The following RHOBTB3 variants were observed in gnomAD, a reference collection of about 807,000 sequenced individuals.
The protein encoded by RHOBTB3 is Rho related BTB domain containing 3, also known as rho-related BTB domain-containing protein 3.
Under a neutral mutation model 67.2 loss-of-function variants are expected in RHOBTB3, and 47 were observed. The ratio of observed to expected loss-of-function variants is 0.70; its 90% CI spans 0.55 to 0.89. RHOBTB3 has a LOEUF of 0.89. Ranked by LOEUF, RHOBTB3 falls within the 40% of genes least tolerant of loss-of-function variation. RHOBTB3 has a pLI of 0.00. For synonymous variants in RHOBTB3, 273 were observed against 274.2 expected (o/e 1.00, Z 0.04); for missense variants, 631 against 750.0 (o/e 0.84, Z 1.85).
intron 3 of RHOBTB3, among the ~76,000 whole-genome samples, chr5:95,743,531 T>G (rs1354669053): frequency 6.6e-6 from 1 of 152,064 alleles, no homozygotes; most frequent in African/African-American, 2.4e-5. Context: ...CTGCCTGCCT[T>G]CATTCTCTCA....
rs2302980 is a variant in RHOBTB3 at position 95,731,918 on chromosome 5, C to G, written c.62C>G (p.Pro21Arg). Reference protein sequence around the residue: ...EGDTFHQDNRPSGLIRTYLGR... With the variant: ...EGDTFHQDNRRSGLIRTYLGR... Reference sequence around the variant, plus strand: ...GACACATTCCACCAGGACAACCGGCCGTCGGGGCTTATCCGCACTTACCTG... The same window carrying G: ...GACACATTCCACCAGGACAACCGGCGGTCGGGGCTTATCCGCACTTACCTG... The change falls in exon 2 of 12, where the codon CCG becomes CGG. Residue 21 changes from proline to arginine, a missense_variant. By Grantham distance (103) the Pro-to-Arg change is moderately radical. Transcript: ENST00000379982. The G allele has an allele frequency of 3.4e-4, 541 of 1,614,104 alleles. 4 individuals are homozygous for G. In the East Asian group the frequency reaches 0.011, roughly 34 times the overall value.
intron 11 of RHOBTB3, among the ~76,000 whole-genome samples, chr5:95,791,828 G>A (rs1561459231): frequency 6.6e-6 from 1 of 151,954 alleles, no homozygotes; most frequent in Non-Finnish European, 1.5e-5. Context: ...TTACAGACAT[G>A]AGCCATCGTG....
At chr5:95,758,831 G>A (rs961198594) in intron 6 of RHOBTB3, among the ~76,000 whole-genome samples, 4 of 152,220 alleles carry the variant, frequency 2.6e-5, no homozygotes, top group African/African-American at 9.6e-5. Context: ...AGGTGGTGCT[G>A]GATCTCTGGA....
intron 3 of RHOBTB3, among the ~76,000 whole-genome samples, chr5:95,740,044 T>C (rs981142633): frequency 3.9e-5 from 6 of 152,050 alleles, no homozygotes; most frequent in African/African-American, 1.4e-4. Context: ...GGGAGCGGGT[T>C]TTTCCTGTGC....
intron 6 of RHOBTB3, among the ~76,000 whole-genome samples, chr5:95,757,549 TA>T (rs1745282976): frequency 6.6e-6 from 1 of 152,226 alleles, no homozygotes; most frequent in Admixed American, 6.5e-5. Flanking sequence ...GGGCAGCCTT[TA>T]TTTAAGTAAT....
chr5:95,776,571 G>A (rs1745890082), intron 8 of RHOBTB3, among the ~76,000 whole-genome samples: 1 of 151,988 alleles, frequency 6.6e-6, no homozygotes, highest in Non-Finnish European at 1.5e-5. Context: ...AACCTCATGA[G>A]CGGTTTAAGG....
chr5:95,749,195 CA>C (rs1230166782), intron 4 of RHOBTB3, among the ~76,000 whole-genome samples: 1 of 152,232 alleles, frequency 6.6e-6, no homozygotes, highest in Non-Finnish European at 1.5e-5. Context: ...CTCCTCTCAA[CA>C]GACAAATCTG....
intron 11 of RHOBTB3, among the ~76,000 whole-genome samples, chr5:95,790,879 A>T (rs1746362217): frequency 6.9e-6 from 1 of 145,052 alleles, no homozygotes; most frequent in Admixed American, 6.8e-5. Context: ...ACTGGTATTT[A>T]AAAATAACCA....
At chr5:95,744,261 T>G (rs2112786154) in intron 3 of RHOBTB3, among the ~76,000 whole-genome samples, 1 of 152,334 alleles carries the variant, frequency 6.6e-6, no homozygotes, top group South Asian at 2.1e-4. Context: ...ACACAGCCCC[T>G]ATCATATCAG....
chr5:95,777,224 T>C (rs1328694028), intron 8 of RHOBTB3, among the ~76,000 whole-genome samples: 1 of 152,242 alleles, frequency 6.6e-6, no homozygotes, highest in Non-Finnish European at 1.5e-5. Context: ...TAGTACATAT[T>C]TTGGATCTCT....
chr5:95,772,210 A>T (rs1354458403), intron 8 of RHOBTB3, among the ~76,000 whole-genome samples: 1 of 152,192 alleles, frequency 6.6e-6, no homozygotes, highest in East Asian at 1.9e-4. Flanking sequence ...AAGAATTGGT[A>T]ATCTGAAGGT....
In RHOBTB3 at chr5:95,769,676, T is replaced by G. The variant is rs78475592; in HGVS notation, c.1282+1510T>G. 1.8e-5 allele frequency: 3 copies of G among 170,078 alleles called. No homozygotes were observed. In the East Asian group the frequency reaches 5.4e-4, roughly 31 times the overall value. The allele number at this position is 170,078 out of a possible 1,614,324, so 10.5% of individuals were successfully genotyped here. On this transcript the variant is annotated intron_variant, in intron 8 of 11. Coordinates refer to ENST00000379982, the MANE Select transcript of RHOBTB3 (RefSeq NM_014899.4). Reference sequence around the variant, plus strand: ...TAATACATCAAAATTTTTGCATATCTTATTAATGTATCGAATAATTAGGCT... The same window carrying G: ...TAATACATCAAAATTTTTGCATATCGTATTAATGTATCGAATAATTAGGCT...
intron 3 of RHOBTB3, among the ~76,000 whole-genome samples, chr5:95,738,147 C>T (rs988284298): frequency 2.0e-5 from 3 of 152,082 alleles, no homozygotes; most frequent in Admixed American, 1.3e-4. Context: ...TAGGTCGTTA[C>T]CCAGGAGCGG....
rs891555316 is a variant in RHOBTB3, at chr5:95,773,540, C to T, written c.1282+5374C>T. Among the ~76,000 whole-genome samples, 7 of 152,190 alleles carry T rather than the reference C, an allele frequency of 4.6e-5. No individual in the cohort carries two copies. In the South Asian group the frequency reaches 1.4e-3, roughly 31 times the overall value. On this transcript the variant is annotated intron_variant, in intron 8 of 11. Transcript: ENST00000379982. Reference sequence around the variant, plus strand: ...TGGCTTTGCGTCTTGACCAGTGTGTCTGTGGGCAAGTCACCTGACATTTCT... The same window carrying T: ...TGGCTTTGCGTCTTGACCAGTGTGTTTGTGGGCAAGTCACCTGACATTTCT...
intron 8 of RHOBTB3, chr5:95,770,480 A>G (rs1468392536): frequency 6.4e-6 from 2 of 311,058 alleles, no homozygotes; most frequent in Non-Finnish European, 1.3e-5. Context: ...TGGTAGTTAC[A>G]ACAATTGTGC....
At chr5:95,753,032 T>C (rs1417157633) in intron 5 of RHOBTB3, among the ~76,000 whole-genome samples, 1 of 151,902 alleles carries the variant, frequency 6.6e-6, no homozygotes, top group Non-Finnish European at 1.5e-5. Context: ...CTCGGGAGGC[T>C]GAGGCAGGAG....
chr5:95,731,779 C>T, intron 1 of RHOBTB3, 80 bp from the exon 2 acceptor site: 4 of 1,603,080 alleles, frequency 2.5e-6, no homozygotes, highest in African/African-American at 1.3e-5. Flanking sequence ...CGCGCGCTGT[C>T]CCCCGCACTT....
intron 10 of RHOBTB3, among the ~76,000 whole-genome samples, chr5:95,784,192 A>AT (rs556646362): frequency 1.3e-5 from 2 of 152,124 alleles, no homozygotes; most frequent in African/African-American, 4.8e-5. Context: ...CAGATACGGA[A>AT]TTTTTTTAAC....
chr5:95,731,641 T>C lies in RHOBTB3; in HGVS notation c.-42T>C. The C allele has an allele frequency of 6.2e-7, 1 of 1,612,450 alleles. No homozygotes were observed. Among genetic ancestry groups the C allele is most frequent in the Non-Finnish European group, 8.5e-7 (1 of 1,179,456 alleles). ...GGGGCCCCGCGAAGCCGTGAGCCGC[T>C]GCTTTTCTCCGAGTCGCCGCCCTGC... On this transcript the variant is annotated 5_prime_UTR_variant, in exon 1 of 12. Coordinates refer to ENST00000379982, the MANE Select transcript of RHOBTB3 (RefSeq NM_014899.4).
Sources: allele counts gnomAD v4.1 joint callset (sites outside exome capture counted in the v4.1 genomes callset), GRCh38; gene constraint gnomAD v4.1.1; transcripts MANE v1.5; gene names NCBI Gene and HGNC (gene_info 2026-07-23, HGNC 2026-07-21).